Variants in AFF2 observed in about 807,000 individuals in gnomAD.
AFF2 encodes the protein ALF transcription elongation factor 2, also known as AF4/FMR2 family member 2.
In AFF2, 14 loss-of-function variants were observed where a neutral mutation model predicts 76.9. The ratio of observed to expected loss-of-function variants is 0.18; its 90% CI spans 0.12 to 0.28. AFF2 has a LOEUF of 0.28. AFF2 is among the 10% of genes least tolerant of loss of function. The pLI is 1.00. For missense variants in AFF2, 868 were observed against 1,001.1 expected, an observed-to-expected ratio of 0.87 and a Z score of 1.79; for synonymous variants, 398 against 366.7, an observed-to-expected ratio of 1.09 and a Z score of -0.98.
intron 1 of AFF2, among the ~76,000 whole-genome samples, chrX:148,637,989 A>G (rs1569552437): frequency 9.1e-6 from 1 of 109,480 alleles, no homozygotes; most frequent in African/African-American, 3.3e-5. Flanking sequence ...AGGTCACACA[A>G]TCTCTAAATG....
intron 1 of AFF2, among the ~76,000 whole-genome samples, chrX:148,616,792 C>G (rs2053809141): frequency 9.9e-6 from 1 of 101,518 alleles, no homozygotes; most frequent in Non-Finnish European, 2.0e-5. Flanking sequence ...TCTCATTGTT[C>G]AATTCCCACC....
intron 9 of AFF2, among the ~76,000 whole-genome samples, chrX:148,920,904 G>A (rs1302489391): frequency 3.6e-5 from 4 of 110,506 alleles, no homozygotes; most frequent in South Asian, 3.9e-4. Context: ...GTTAAGGAAA[G>A]TCATTGCTGT....
At chrX:148,706,881 C>A (rs1028633850) in intron 3 of AFF2, among the ~76,000 whole-genome samples, 1 of 112,346 alleles carries the variant, frequency 8.9e-6, no homozygotes, top group Non-Finnish European at 1.9e-5. Context: ...GGATAGATAT[C>A]ATTCTTTCAT....
intron 1 of AFF2, among the ~76,000 whole-genome samples, chrX:148,501,710 A>G (rs1484410822): frequency 2.6e-5 from 3 of 113,367 alleles, no homozygotes; most frequent in Non-Finnish European, 3.7e-5. Context: ...CGGGTGGAGC[A>G]GCGGCTTTGG....
intron 7 of AFF2, among the ~76,000 whole-genome samples, chrX:148,876,773 A>G (rs2071040109): frequency 9.0e-6 from 1 of 111,548 alleles, no homozygotes; most frequent in Non-Finnish European, 1.9e-5. Context: ...AATAGGCCAC[A>G]TAAGCAGAGG....
chrX:148,754,671 A>G (rs1043435050), intron 3 of AFF2, among the ~76,000 whole-genome samples: 7 of 111,155 alleles, frequency 6.3e-5, no homozygotes, highest in African/African-American at 2.3e-4. Context: ...AATCCATTCA[A>G]TGTTTGGATG....
At chrX:148,934,007 A>G (rs2071743805) in intron 9 of AFF2, among the ~76,000 whole-genome samples, 1 of 111,763 alleles carries the variant, frequency 8.9e-6, no homozygotes, top group Admixed American at 9.5e-5. Context: ...GAAATCAACT[A>G]TGGCGCTTGT....
chrX:148,944,650 G>A (rs1288125925), intron 9 of AFF2, among the ~76,000 whole-genome samples: 3 of 111,039 alleles, frequency 2.7e-5, no homozygotes, highest in Admixed American at 9.5e-5. Flanking sequence ...CATAGAAACC[G>A]AAATATCAGC....
At chrX:148,909,131 C>T (rs2071441674) in intron 9 of AFF2, among the ~76,000 whole-genome samples, 2 of 111,971 alleles carry the variant, frequency 1.8e-5, no homozygotes, top group Non-Finnish European at 3.8e-5. Flanking sequence ...GTGTTTAGGA[C>T]TTTCTAGGGT....
intron 1 of AFF2, among the ~76,000 whole-genome samples, chrX:148,578,230 C>T (rs782296773): frequency 9.0e-6 from 1 of 111,468 alleles, no homozygotes; most frequent in South Asian, 3.7e-4. Flanking sequence ...TGACTTAATC[C>T]CGTATTATCT....
At chrX:148,613,625 A>C (rs782004320) in intron 1 of AFF2, among the ~76,000 whole-genome samples, 12 of 111,175 alleles carry the variant, frequency 1.1e-4, no homozygotes, top group Non-Finnish European at 1.9e-4. Context: ...TTGGAATGTG[A>C]GCCCCAGCAC....
chrX:148,825,750 T>G (rs1163856047), intron 4 of AFF2, among the ~76,000 whole-genome samples: 1 of 108,618 alleles, frequency 9.2e-6, no homozygotes, highest in Admixed American at 9.9e-5. Flanking sequence ...GACCAGGGTT[T>G]TTTTTTTTTT....
intron 3 of AFF2, among the ~76,000 whole-genome samples, chrX:148,722,620 C>T (rs1569554274): frequency 4.5e-5 from 5 of 111,336 alleles, no homozygotes; most frequent in African/African-American, 9.8e-5. Context: ...CTCCCTAGTT[C>T]GTCCTCCATA....
chrX:148,952,536 C>G (rs2071981420), intron 9 of AFF2, among the ~76,000 whole-genome samples: 1 of 111,533 alleles, frequency 9.0e-6, no homozygotes, highest in South Asian at 3.8e-4. Context: ...AACCTTCCCC[C>G]AAATTTAGAG....
At chrX:148,850,989 G>T (rs1029501791) in intron 7 of AFF2, among the ~76,000 whole-genome samples, 3 of 112,290 alleles carry the variant, frequency 2.7e-5, no homozygotes, top group Admixed American at 9.4e-5. Flanking sequence ...CATGGATTAT[G>T]CTTAGAATTT....
chrX:148,501,797 GC>G (rs1168188247), intron 1 of AFF2, among the ~76,000 whole-genome samples: 3 of 112,927 alleles, frequency 2.7e-5, no homozygotes, highest in African/African-American at 6.4e-5. Context: ...TTCGGAGTTG[GC>G]CCCCCAAATC....
intron 7 of AFF2, among the ~76,000 whole-genome samples, chrX:148,867,080 A>G (rs1469465876): frequency 2.7e-5 from 3 of 112,293 alleles, no homozygotes; most frequent in African/African-American, 9.7e-5. Flanking sequence ...AACTCTAAAG[A>G]AAAAGAAACC....
At chrX:148,878,676 A>G (rs2071062875) in intron 7 of AFF2, among the ~76,000 whole-genome samples, 1 of 111,931 alleles carries the variant, frequency 8.9e-6, no homozygotes, top group Admixed American at 9.5e-5. Flanking sequence ...TTTTAAAGAT[A>G]AAAGATTCTG....
At chrX:148,760,088 A>G (rs1557267173) in intron 3 of AFF2, among the ~76,000 whole-genome samples, 1 of 112,416 alleles carries the variant, frequency 8.9e-6, no homozygotes. Context: ...TCATAATATT[A>G]ATGTTTTAAA....
Sources: allele counts gnomAD v4.1 joint callset (sites outside exome capture counted in the v4.1 genomes callset), GRCh38; gene constraint gnomAD v4.1.1; transcripts MANE v1.5; gene names NCBI Gene and HGNC (gene_info 2026-07-23, HGNC 2026-07-21).